The following ARID2 variants were observed in gnomAD, a reference collection of about 807,000 sequenced individuals.
The protein encoded by ARID2 is AT-rich interaction domain 2.
A neutral mutation model predicts 184.6 loss-of-function variants in ARID2; 32 were observed. The observed-to-expected ratio is 0.17, with a 90% CI of 0.13 to 0.23. The LOEUF (loss-of-function observed/expected upper bound fraction) is 0.23, where lower values mean the gene tolerates loss of function less well. Ranked by LOEUF, ARID2 falls within the 10% of genes least tolerant of loss-of-function variation. The pLI, the probability that ARID2 is intolerant of heterozygous loss-of-function variation, is 1.00. For synonymous variants in ARID2, 836 were observed against 772.6 expected (o/e 1.08, Z -1.36); for missense variants, 1,696 against 2,197.6 (o/e 0.77, Z 4.56).
chr12:45,892,113 T>G lies in ARID2; in HGVS notation c.5147+17T>G, dbSNP rs781350212. On this transcript the variant is annotated intron_variant, in intron 18 of 20. Transcript: ENST00000334344. ...TTCTACCAAGTAAGGAAAATGAGTT[T>G]ACTTCCTGTTGTACATACAAAAAGA... 1 of 1,608,746 alleles carries G rather than the reference T, an allele frequency of 6.2e-7. No individual in the cohort carries two copies. The highest frequency in any genetic ancestry group is 8.5e-7 in the Non-Finnish European group (1 of 1,177,316).
intron 3 of ARID2, among the ~76,000 whole-genome samples, chr12:45,747,987 T>G (rs1309271133): frequency 6.6e-6 from 1 of 152,126 alleles, no homozygotes; most frequent in African/African-American, 2.4e-5. Flanking sequence ...GAGAGTGAAT[T>G]TTTTGGTTTC....
intron 2 of ARID2, among the ~76,000 whole-genome samples, chr12:45,730,662 C>T (rs990849573): frequency 1.3e-5 from 2 of 152,030 alleles, no homozygotes; most frequent in Non-Finnish European, 2.9e-5. Context: ...GCCTCGGCCC[C>T]GTCGCCCTCG....
chr12:45,800,709 A>G (rs917265006), intron 3 of ARID2, among the ~76,000 whole-genome samples: 1 of 152,128 alleles, frequency 6.6e-6, no homozygotes, highest in African/African-American at 2.4e-5. Flanking sequence ...AAAATACGAG[A>G]TAAGCCTGGA....
At chr12:45,736,617 T>C (rs942516611) in intron 3 of ARID2, among the ~76,000 whole-genome samples, 2 of 152,164 alleles carry the variant, frequency 1.3e-5, no homozygotes, top group African/African-American at 4.8e-5. Flanking sequence ...AGAGGATAAA[T>C]GGAGCAGACG....
rs1364593500 is a variant in ARID2 at position 45,829,499 on chromosome 12, G to GT, written c.706-7083dup. On this transcript the variant is annotated intron_variant, in intron 6 of 20. Coordinates refer to ENST00000334344, the MANE Select transcript of ARID2 (RefSeq NM_152641.4). ...TATTTCATCTCCCTTCTGAGTATGT[G>GT]TTTTTTTCACAGTATAACACATCTT... Among the ~76,000 whole-genome samples, 11 of 151,312 alleles carry GT rather than the reference G, an allele frequency of 7.3e-5. No homozygotes were observed. The South Asian group carries it at 2.1e-3, about 29-fold the overall frequency.
rs1175703538 is a variant in ARID2 at position 45,729,754 on chromosome 12, G to C, written c.-83G>C. 1.1e-5 allele frequency: 15 copies of C among 1,380,028 alleles called. No individual in the cohort carries two copies. In the African/African-American group the frequency reaches 2.2e-4, roughly 20 times the overall value. The allele number at this position is 1,380,028 out of a possible 1,614,324, so 85.5% of individuals were successfully genotyped here. A position where few individuals can be genotyped will look rare whatever the true frequency, so the allele number is the denominator to read the frequency against. On this transcript the variant is annotated 5_prime_UTR_variant, in exon 1 of 21. Transcript: ENST00000334344. ...CGCCGCCGGCCGAGGAATGGGCTCC[G>C]GGCTCTGGTAGGAAGCGCTGGGAGC...
Position 45,905,637 on chromosome 12 carries a change from A to T in ARID2, c.*559A>T, listed in dbSNP as rs1311578452. On this transcript the variant is annotated 3_prime_UTR_variant, in exon 21 of 21. Coordinates refer to ENST00000334344, the MANE Select transcript of ARID2 (RefSeq NM_152641.4). The stretch of plus-strand genomic sequence containing the variant: ...GTAGCTTGGTTTTCTTACTTGAGCC[A>T]ATATATTTTCACTTATTTATTATCA... The T allele has an allele frequency of 4.3e-6, 1 of 232,990 alleles. No homozygotes were observed. The highest frequency in any genetic ancestry group is 8.5e-6 in the Non-Finnish European group (1 of 117,746). The allele number at this position is 232,990 out of a possible 1,614,324, so 14.4% of individuals were successfully genotyped here. A position where few individuals can be genotyped will look rare whatever the true frequency, so the allele number is the denominator to read the frequency against.
In ARID2 at chr12:45,893,557, G is replaced by A. The variant is rs1204430260; in HGVS notation, c.5271+14G>A. On this transcript the variant is annotated intron_variant, in intron 19 of 20. Coordinates refer to ENST00000334344, the MANE Select transcript of ARID2 (RefSeq NM_152641.4). ...CGAGATTTTACAGTAAGCATGCCTT[G>A]AAACCCTTATCTGTAAAAGTCTGAG... 6.2e-7 allele frequency: 1 copy of A among 1,612,910 alleles called. No individual in the cohort carries two copies.
At chr12:45,879,865 T>G (rs1351621581) in intron 16 of ARID2, among the ~76,000 whole-genome samples, 39 of 152,270 alleles carry the variant, frequency 2.6e-4, no homozygotes, top group Admixed American at 2.6e-3. Flanking sequence ...AAAAGTGTCC[T>G]TTATTTAAAA....
rs150969261 is a variant in ARID2, at chr12:45,737,802, C to T, written c.284+6488C>T. On this transcript the variant is annotated intron_variant, in intron 3 of 20. Transcript: ENST00000334344. ...GGCATGAACATATTGGTCAGGGTTA[C>T]ATCCAGAACAAAACCTCCAGGTGAC... is the stretch of plus-strand genomic sequence containing the variant. Among the ~76,000 whole-genome samples the T allele has an allele frequency of 3.4e-4, 52 of 152,236 alleles. No individual in the cohort carries two copies. The South Asian group carries it at 5.8e-3, about 17-fold the overall frequency.
intron 3 of ARID2, among the ~76,000 whole-genome samples, chr12:45,773,507 T>G (rs1226027489): frequency 6.6e-6 from 1 of 151,968 alleles, no homozygotes; most frequent in Non-Finnish European, 1.5e-5. Flanking sequence ...CTAGATTGTC[T>G]AAGAAAAAAC....
At chr12:45,773,181 A>G (rs981455212) in intron 3 of ARID2, among the ~76,000 whole-genome samples, 3 of 152,126 alleles carry the variant, frequency 2.0e-5, no homozygotes, top group African/African-American at 7.2e-5. Flanking sequence ...TCAGAAGTAA[A>G]GTTGGAAAAT....
intron 3 of ARID2, among the ~76,000 whole-genome samples, chr12:45,740,378 A>G (rs573827133): frequency 1.3e-5 from 2 of 152,116 alleles, no homozygotes; most frequent in Non-Finnish European, 2.9e-5. Context: ...GTTTTGCCAC[A>G]TTTGGTTTAC....
At chr12:45,893,099 C>G (rs1039020122) in intron 18 of ARID2, among the ~76,000 whole-genome samples, 1 of 152,134 alleles carries the variant, frequency 6.6e-6, no homozygotes, top group Non-Finnish European at 1.5e-5. Context: ...GATGAGAAGG[C>G]TATAACTTCG....
chr12:45,759,608 C>T (rs547331358), intron 3 of ARID2, among the ~76,000 whole-genome samples: 28 of 152,118 alleles, frequency 1.8e-4, no homozygotes, highest in African/African-American at 6.5e-4. Context: ...TATGTCCGTT[C>T]GTTTTTTTAG....
At chr12:45,829,689 CTT>C (rs919849896) in intron 6 of ARID2, among the ~76,000 whole-genome samples, 2 of 147,842 alleles carry the variant, frequency 1.4e-5, no homozygotes, top group Admixed American at 1.3e-4. Flanking sequence ...GTTATCTTGT[CTT>C]TATTTTTGTC....
intron 4 of ARID2, among the ~76,000 whole-genome samples, chr12:45,816,600 A>G (rs754628451): frequency 6.6e-5 from 10 of 152,206 alleles, no homozygotes; most frequent in Admixed American, 2.0e-4. Flanking sequence ...TGAAAAAAAT[A>G]TGTCCCGACA....
intron 3 of ARID2, among the ~76,000 whole-genome samples, chr12:45,754,326 A>C (rs919979348): frequency 6.6e-6 from 1 of 152,216 alleles, no homozygotes; most frequent in African/African-American, 2.4e-5. Context: ...TTACTTTTCC[A>C]TTCTTAATCT....
intron 6 of ARID2, among the ~76,000 whole-genome samples, chr12:45,824,079 G>C (rs1198458033): frequency 6.6e-6 from 1 of 152,004 alleles, no homozygotes; most frequent in Admixed American, 6.6e-5. Flanking sequence ...CAAAAAGACA[G>C]TGCACCATCA....
Sources: allele counts gnomAD v4.1 joint callset (sites outside exome capture counted in the v4.1 genomes callset), GRCh38; gene constraint gnomAD v4.1.1; transcripts MANE v1.5; gene names NCBI Gene and HGNC (gene_info 2026-07-23, HGNC 2026-07-21).